The following FAM228B variants were observed in gnomAD, a reference collection of about 807,000 sequenced individuals.
The protein encoded by FAM228B is protein FAM228B.
Under a neutral mutation model 42.6 loss-of-function variants are expected in FAM228B, and 38 were observed. The observed-to-expected ratio is 0.89, with a 90% CI of 0.69 to 1.17. FAM228B has a LOEUF of 1.17. Ranked by LOEUF, FAM228B falls within the 50% of genes most tolerant of loss-of-function variation. The pLI, the probability that FAM228B is intolerant of heterozygous loss-of-function variation, is 0.00. For synonymous variants in FAM228B, 109 were observed against 122.3 expected (o/e 0.89, Z 0.72); for missense variants, 344 against 367.3 (o/e 0.94, Z 0.52).
chr2:24,167,590 T>C, intron 9 of FAM228B, 37 bp from the exon 10 acceptor site: 1 of 1,551,150 alleles, frequency 6.4e-7, no homozygotes. Flanking sequence ...GCCAGTCTCG[T>C]ATAACATAAT....
chr2:24,124,907 G>A (rs1666268113), intron 2 of FAM228B, among the ~76,000 whole-genome samples: 1 of 152,044 alleles, frequency 6.6e-6, no homozygotes. Flanking sequence ...ACACTGTGTC[G>A]CCTAGGCTGG....
At chr2:24,081,011 A>T in intron 2 of FAM228B, 4 of 1,613,990 alleles carry the variant, frequency 2.5e-6, no homozygotes, top group Non-Finnish European at 3.4e-6. Flanking sequence ...ATTAGCACAT[A>T]GTCTCCAGCC....
upstream of FAM228B, chr2:24,122,457 G>C (rs771486989): frequency 6.2e-7 from 1 of 1,614,068 alleles, no homozygotes. Context: ...CTCCGCTCCT[G>C]GATTTTGATG....
intron 2 of FAM228B, among the ~76,000 whole-genome samples, chr2:24,086,455 T>C (rs1665255182): frequency 6.6e-6 from 1 of 152,098 alleles, no homozygotes; most frequent in South Asian, 2.1e-4. Flanking sequence ...TTACTCACAA[T>C]TGGTTAAAAA....
In FAM228B at chr2:24,115,609, C is replaced by T. The variant is rs769400939; in HGVS notation, c.-120-19510C>T. The T allele has an allele frequency of 1.9e-6, 3 of 1,612,394 alleles. No individual in the cohort carries two copies. In the South Asian group the frequency reaches 3.3e-5, roughly 18 times the overall value. ...TAACTTCCTTTTTTTCTTAGGTAGT[C>T]TCCTGAAAGCAAACACAGCATGGTT... On this transcript the variant is annotated intron_variant, in intron 3 of 10. Coordinates refer to the FAM228B transcript ENST00000613899.
chr2:24,152,610 C>G (rs1270297127), intron 7 of FAM228B, among the ~76,000 whole-genome samples: 2 of 152,212 alleles, frequency 1.3e-5, no homozygotes, highest in East Asian at 3.9e-4. Flanking sequence ...GATATTTACC[C>G]CCACCTTCTC....
At chr2:24,085,453 C>A (rs35781149) in intron 2 of FAM228B, among the ~76,000 whole-genome samples, 4,732 of 152,140 alleles carry the variant, frequency 0.031, 116 homozygotes, top group Middle Eastern at 0.051. Flanking sequence ...TAGCAGCATC[C>A]CTGGCCTCCC....
At chr2:24,082,886 C>T (rs1168697630) in intron 2 of FAM228B, 1 of 1,602,572 alleles carries the variant, frequency 6.2e-7, no homozygotes, top group East Asian at 2.2e-5. Flanking sequence ...CCTCCTCACC[C>T]ACAAGATGTA....
chr2:24,121,686 T>A (rs1419510269), upstream of FAM228B, among the ~76,000 whole-genome samples: 1 of 152,186 alleles, frequency 6.6e-6, no homozygotes, highest in Non-Finnish European at 1.5e-5. Context: ...GGATCATGAA[T>A]AGACTGATGC....
intron 2 of FAM228B, among the ~76,000 whole-genome samples, chr2:24,132,464 GTTTTTTTTTTTT>G (rs548264853): frequency 1.2e-4 from 7 of 56,006 alleles, no homozygotes; most frequent in South Asian, 6.7e-4. Flanking sequence ...TCCTGGGATT[GTTTTTTTTTTTT>G]TTTTTTTTTT....
intron 2 of FAM228B, among the ~76,000 whole-genome samples, chr2:24,091,293 C>T (rs910735705): frequency 1.1e-4 from 17 of 152,042 alleles, no homozygotes; most frequent in Non-Finnish European, 2.2e-4. Context: ...ATTAGCCGGG[C>T]GTGGTGGCGG....
chr2:24,133,551 T>C (rs1339340445), intron 2 of FAM228B, among the ~76,000 whole-genome samples: 1 of 152,232 alleles, frequency 6.6e-6, no homozygotes, highest in Non-Finnish European at 1.5e-5. Flanking sequence ...GAATATTTTA[T>C]TTGTATGTAA....
At chr2:24,081,686 T>TA (rs939710060) in intron 2 of FAM228B, among the ~76,000 whole-genome samples, 12 of 147,442 alleles carry the variant, frequency 8.1e-5, no homozygotes, top group African/African-American at 2.9e-4. Context: ...CTCACCTTGA[T>TA]ACTGTTTTTT....
intron 1 of FAM228B, chr2:24,079,441 C>A: frequency 6.2e-7 from 1 of 1,613,484 alleles, no homozygotes; most frequent in South Asian, 1.1e-5. Flanking sequence ...ATTCATCACT[C>A]ACCTTATTGT....
At chr2:24,141,948 G>A (rs972524346) in intron 5 of FAM228B, among the ~76,000 whole-genome samples, 1 of 152,132 alleles carries the variant, frequency 6.6e-6, no homozygotes, top group Non-Finnish European at 1.5e-5. Context: ...ACGGTCACAT[G>A]CTGTGGCTCA....
chr2:24,160,229 G>A (rs1294893914), intron 7 of FAM228B, among the ~76,000 whole-genome samples: 2 of 151,966 alleles, frequency 1.3e-5, no homozygotes, highest in Non-Finnish European at 2.9e-5. Flanking sequence ...GACTCAAGCA[G>A]TTTACCCACC....
chr2:24,141,312 T>C (rs1241208210), intron 5 of FAM228B, among the ~76,000 whole-genome samples: 2 of 152,152 alleles, frequency 1.3e-5, no homozygotes, highest in Non-Finnish European at 2.9e-5. Context: ...GGCGTGATCT[T>C]GGCTTACTGC....
chr2:24,078,699 T>C (rs1664866807), intron 1 of FAM228B, among the ~76,000 whole-genome samples: 1 of 152,048 alleles, frequency 6.6e-6, no homozygotes, highest in Non-Finnish European at 1.5e-5. Context: ...AGCCTAAGAA[T>C]TGTTTTTAAA....
intron 4 of FAM228B, among the ~76,000 whole-genome samples, chr2:24,138,923 G>T (rs1300610142): frequency 6.7e-6 from 1 of 149,490 alleles, no homozygotes; most frequent in South Asian, 2.2e-4. Flanking sequence ...TCCAGCCTGG[G>T]TGATGGAGCA....
Sources: gnomAD v4.1 joint callset for allele counts (sites outside exome capture counted in the v4.1 genomes callset) on GRCh38, gnomAD v4.1.1 for gene constraint, MANE v1.5 for transcripts, NCBI Gene and HGNC (gene_info 2026-07-23, HGNC 2026-07-21) for gene names.